The following GREB1 variants were observed in gnomAD, a reference collection of about 807,000 sequenced individuals.
The protein encoded by GREB1 is protein GREB1.
GREB1 carries 106 observed loss-of-function variants against 200.7 expected under a neutral mutation model. The observed-to-expected ratio is 0.53, with a 90% CI of 0.45 to 0.62. The LOEUF (loss-of-function observed/expected upper bound fraction) is 0.62, where lower values mean the gene tolerates loss of function less well. GREB1 is among the 20% of genes least tolerant of loss of function. The pLI is 0.00. For missense variants in GREB1, 2,243 were observed against 2,556.8 expected, an observed-to-expected ratio of 0.88 and a Z score of 2.65; for synonymous variants, 1,132 against 1,092.4, an observed-to-expected ratio of 1.04 and a Z score of -0.72.
rs1684912276 is a variant in GREB1, at chr2:11,631,970, T to A, written c.4673T>A (p.Leu1558His). The change falls in exon 27 of 33, where the codon CTC becomes CAC. Residue 1558 changes from leucine to histidine, a missense_variant. Leu to His is a moderately conservative substitution (Grantham distance 99). Coordinates refer to ENST00000381486, the MANE Select transcript of GREB1 (RefSeq NM_014668.4). ...ACCACCGGCCGTCACGAACATGGGC[T>A]CTTTAATCTGTACCACGCAATGGAC... ...TPTTGRHEHG[L>H]FNLYHAMDGA... 1 of 1,614,168 alleles carries A rather than the reference T, an allele frequency of 6.2e-7. No individual in the cohort carries two copies. Among genetic ancestry groups the A allele is most frequent in the Non-Finnish European group, 8.5e-7 (1 of 1,180,024 alleles).
At chr2:11,627,925 A>C (rs1416372721) in intron 25 of GREB1, among the ~76,000 whole-genome samples, 2 of 152,210 alleles carry the variant, frequency 1.3e-5, no homozygotes, top group African/African-American at 2.4e-5. Flanking sequence ...GCCAAGAATT[A>C]ATAAGATGAA....
Position 11,600,851 on chromosome 2 carries a change from G to T in GREB1, c.2385G>T (p.Val795=). ...YSQSDPSVGL[V]DRLLNCREVK... Reference sequence around the variant, plus strand: ...AAAGTGACCCGTCGGTGGGATTGGTGGACCGATTGCTCAACTGCAGGGAGG... The same window carrying T: ...AAAGTGACCCGTCGGTGGGATTGGTTGACCGATTGCTCAACTGCAGGGAGG... The change falls in exon 16 of 33, where the codon GTG becomes GTT. Residue 795 remains valine (V), a synonymous_variant. Coordinates refer to ENST00000381486, the MANE Select transcript of GREB1 (RefSeq NM_014668.4). 6.2e-7 allele frequency: 1 copy of T among 1,614,122 alleles called. No individual in the cohort carries two copies. Among genetic ancestry groups the T allele is most frequent in the Non-Finnish European group, 8.5e-7 (1 of 1,179,998 alleles).
chr2:11,553,516 C>G (rs1188444454), intron 1 of GREB1, among the ~76,000 whole-genome samples: 2 of 152,044 alleles, frequency 1.3e-5, no homozygotes, highest in Non-Finnish European at 2.9e-5. Context: ...CCCCACTTTT[C>G]TATGCTGTCT....
intron 1 of GREB1, among the ~76,000 whole-genome samples, chr2:11,554,682 A>G (rs745318199): frequency 5.9e-5 from 9 of 152,372 alleles, no homozygotes; most frequent in Non-Finnish European, 1.3e-4. Context: ...AAAGATGAAC[A>G]GGCTAGTAGA....
At chr2:11,499,835 T>C (rs141218990) in intron 1 of GREB1, among the ~76,000 whole-genome samples, 25 of 152,362 alleles carry the variant, frequency 1.6e-4, no homozygotes, top group African/African-American at 5.8e-4. Flanking sequence ...GCTAGGAACC[T>C]GTACCCATGT....
At chr2:11,599,969 T>G (rs1681636610) in intron 15 of GREB1, among the ~76,000 whole-genome samples, 1 of 152,182 alleles carries the variant, frequency 6.6e-6, no homozygotes, top group Admixed American at 6.5e-5. Flanking sequence ...GCCTAGGGGT[T>G]GTACCTTCAG....
chr2:11,565,770 C>T (rs72772060), intron 3 of GREB1, among the ~76,000 whole-genome samples: 10 of 152,238 alleles, frequency 6.6e-5, no homozygotes, highest in African/African-American at 2.2e-4. Flanking sequence ...GACCCCCTAG[C>T]GGAAACTGAC....
chr2:11,620,694 T>C (rs1683933129), intron 22 of GREB1, among the ~76,000 whole-genome samples: 1 of 152,222 alleles, frequency 6.6e-6, no homozygotes, highest in Non-Finnish European at 1.5e-5. Context: ...TGCGACGATA[T>C]TTAAGCAGGA....
At chr2:11,570,523 CTT>C (rs35756449) in intron 4 of GREB1, among the ~76,000 whole-genome samples, 2 of 143,696 alleles carry the variant, frequency 1.4e-5, no homozygotes, top group East Asian at 4.0e-4. Context: ...TTATCTTATA[CTT>C]TTTTTTTTTT....
chr2:11,544,407 A>ATG (rs1675057166), intron 1 of GREB1, among the ~76,000 whole-genome samples: 1 of 152,024 alleles, frequency 6.6e-6, no homozygotes, highest in Non-Finnish European at 1.5e-5. Context: ...TTGTAGAGGC[A>ATG]GGGTTTCACC....
At chr2:11,619,203 C>T (rs746687405) in intron 22 of GREB1, among the ~76,000 whole-genome samples, 1 of 152,192 alleles carries the variant, frequency 6.6e-6, no homozygotes, top group East Asian at 1.9e-4. Context: ...TCATCTCACT[C>T]GGCCACTGCC....
rs1264053012 is a variant in GREB1, at chr2:11,633,309, TC to T, written c.4991+249del. On this transcript the variant is annotated intron_variant, in intron 28 of 32. Coordinates refer to ENST00000381486, the MANE Select transcript of GREB1 (RefSeq NM_014668.4). This position sits in a 1 kb window ranked among gnomAD's most constrained non-coding sequence, Gnocchi z 4.1. The stretch of plus-strand genomic sequence containing the variant: ...CGGGCGCGGTGGCTCATGCCTGTAA[TC>T]CCAGCACTTTGGGAGGCTGAGGTGG... Among the ~76,000 whole-genome samples, 1 of 152,118 alleles carries T rather than the reference TC, an allele frequency of 6.6e-6. No individual in the cohort carries two copies. The highest frequency in any genetic ancestry group is 1.5e-5 in the Non-Finnish European group (1 of 68,020).
At chr2:11,639,308 C>T (rs749474177) in intron 32 of GREB1, among the ~76,000 whole-genome samples, 5 of 152,192 alleles carry the variant, frequency 3.3e-5, no homozygotes, top group South Asian at 2.1e-4. Flanking sequence ...AGGCTGGTCT[C>T]GAACTCCCGA....
rs1553366350 is a variant in GREB1, at chr2:11,587,741, A to ATG, written c.1160-1005_1160-1004insTG. On this transcript the variant is annotated intron_variant, in intron 9 of 32. Coordinates refer to ENST00000381486, the MANE Select transcript of GREB1 (RefSeq NM_014668.4). ...CACACACACACACACACACACACAC[A>ATG]CGCCACCTTTGGGAGCTCAGCAGCC... 2.4e-3 allele frequency: 1,924 copies of ATG among 788,406 alleles called. 92 individuals are homozygous for ATG. In the African/African-American group the frequency reaches 0.03, roughly 12 times the overall value. 48.8% of individuals were successfully genotyped at this position (788,406 alleles called of 1,614,324 possible).
chr2:11,501,627 C>A (rs1673040241), intron 1 of GREB1, among the ~76,000 whole-genome samples: 1 of 152,026 alleles, frequency 6.6e-6, no homozygotes, highest in African/African-American at 2.4e-5. Context: ...CTCCTGACCT[C>A]AGGTGATACA....
intron 4 of GREB1, among the ~76,000 whole-genome samples, chr2:11,568,803 T>G (rs1677962529): frequency 6.6e-6 from 1 of 152,238 alleles, no homozygotes; most frequent in Non-Finnish European, 1.5e-5. Context: ...GCTTTGTTAA[T>G]TGCTTGCCAG....
rs1348395816 is a variant in GREB1 at position 11,548,621 on chromosome 2, T to C, written c.-161-7833T>C. Reference sequence around the variant, plus strand: ...TCAGATAATTAAATCTGTTGCCCTGTTTTCTTCTTGGAGGCCTCCTTCCTG... The same window carrying C: ...TCAGATAATTAAATCTGTTGCCCTGCTTTCTTCTTGGAGGCCTCCTTCCTG... On this transcript the variant is annotated intron_variant, in intron 1 of 32. Transcript: ENST00000381486. The surrounding 1 kb of genome is among the most constrained non-coding windows in gnomAD (Gnocchi z 5.1). Among the ~76,000 whole-genome samples, 1 of 152,116 alleles carries C rather than the reference T, an allele frequency of 6.6e-6. No homozygotes were observed. The highest frequency in any genetic ancestry group is 1.5e-5 in the Non-Finnish European group (1 of 68,030).
At chr2:11,621,067 ACT>A in intron 23 of GREB1, 60 bp downstream of exon 23, 5 of 967,174 alleles carry the variant, frequency 5.2e-6, no homozygotes, top group African/African-American at 1.6e-5. Flanking sequence ...TTCTCAAGTG[ACT>A]TTAATTTTAT....
intron 1 of GREB1, among the ~76,000 whole-genome samples, chr2:11,484,989 G>C (rs886843542): frequency 2.0e-5 from 3 of 152,100 alleles, no homozygotes; most frequent in Non-Finnish European, 2.9e-5. Context: ...ACAGGCGCCC[G>C]CCACGGCGCC....
Sources: gnomAD v4.1 joint callset for allele counts (sites outside exome capture counted in the v4.1 genomes callset) on GRCh38, gnomAD v4.1.1 for gene constraint, Gnocchi (gnomAD v3.1) non-coding constraint, MANE v1.5 for transcripts, NCBI Gene and HGNC (gene_info 2026-07-23, HGNC 2026-07-21) for gene names.